SGCD: variants seen among roughly 807,000 people sequenced by gnomAD.
The protein encoded by SGCD is sarcoglycan delta.
SGCD carries 18 observed loss-of-function variants against 36.6 expected under a neutral mutation model. The ratio of observed to expected loss-of-function variants is 0.49; its 90% CI spans 0.34 to 0.73. SGCD has a LOEUF of 0.73. SGCD is among the 30% of genes least tolerant of loss of function. The pLI is 0.01. For synonymous variants in SGCD, 133 were observed against 130.6 expected, an observed-to-expected ratio of 1.02 and a Z score of -0.12; for missense variants, 387 against 346.7, an observed-to-expected ratio of 1.12 and a Z score of -0.92.
chr5:156,552,640 T>C (rs981028352), intron 4 of SGCD, among the ~76,000 whole-genome samples: 1 of 152,146 alleles, frequency 6.6e-6, no homozygotes, highest in South Asian at 2.1e-4. Context: ...GGTCAGCTCA[T>C]TTGAAAATAA....
chr5:156,082,280 C>CGTATCATTAAAA (rs1760975340), intron 1 of SGCD, among the ~76,000 whole-genome samples: 1 of 39,570 alleles, frequency 2.5e-5, no homozygotes, highest in African/African-American at 1.3e-4. Context: ...CGGGGGGGTC[C>CGTATCATTAAAA]AGGGGGTGGG....
At chr5:156,057,065 T>C (rs1329745151) in intron 1 of SGCD, among the ~76,000 whole-genome samples, 1 of 146,502 alleles carries the variant, frequency 6.8e-6, no homozygotes, top group East Asian at 1.9e-4. Flanking sequence ...ACAGCTTGGA[T>C]GTTCAGTAAT....
intron 7 of SGCD, among the ~76,000 whole-genome samples, chr5:156,712,878 G>C (rs1755055098): frequency 6.6e-6 from 1 of 152,066 alleles, no homozygotes; most frequent in Non-Finnish European, 1.5e-5. Flanking sequence ...ACTTAAACCA[G>C]TGGGAAACTG....
chr5:156,061,872 G>A (rs1268164972), intron 1 of SGCD, among the ~76,000 whole-genome samples: 1 of 140,334 alleles, frequency 7.1e-6, no homozygotes, highest in East Asian at 2.0e-4. Context: ...TTCAGTCATT[G>A]AGATTGGCAG....
chr5:156,534,416 G>A (rs765585975), intron 4 of SGCD, among the ~76,000 whole-genome samples: 1 of 152,072 alleles, frequency 6.6e-6, no homozygotes, highest in Non-Finnish European at 1.5e-5. Flanking sequence ...TCATGGCCTT[G>A]CCATATCCTG....
chr5:156,713,089 C>G (rs775182542), intron 7 of SGCD, among the ~76,000 whole-genome samples: 5 of 152,086 alleles, frequency 3.3e-5, no homozygotes, highest in Non-Finnish European at 7.4e-5. Context: ...TAGAAATCCC[C>G]TATGATTAGG....
At chr5:156,158,370 C>G (rs1415297104) in intron 3 of SGCD, among the ~76,000 whole-genome samples, 1 of 151,556 alleles carries the variant, frequency 6.6e-6, no homozygotes, top group Non-Finnish European at 1.5e-5. Flanking sequence ...TCTTATTTTT[C>G]CATTTTACCG....
chr5:156,036,389 G>C (rs1311848763), intron 1 of SGCD, among the ~76,000 whole-genome samples: 1 of 152,172 alleles, frequency 6.6e-6, no homozygotes, highest in Non-Finnish European at 1.5e-5. Context: ...GTTCAGGTCT[G>C]TCCTGTAAGC....
intron 7 of SGCD, among the ~76,000 whole-genome samples, chr5:156,722,670 C>A (rs1755568726): frequency 6.6e-6 from 1 of 152,216 alleles, no homozygotes; most frequent in Admixed American, 6.5e-5. Flanking sequence ...TTTATCTTAT[C>A]CAATGCTTCT....
intron 4 of SGCD, among the ~76,000 whole-genome samples, chr5:156,582,449 A>C (rs957962852): frequency 3.3e-5 from 5 of 152,168 alleles, no homozygotes; most frequent in African/African-American, 1.2e-4. Flanking sequence ...TAAGGATAAA[A>C]CATCTGCCTC....
intron 4 of SGCD, among the ~76,000 whole-genome samples, chr5:156,547,818 A>C (rs1336464903): frequency 6.6e-6 from 1 of 152,242 alleles, no homozygotes; most frequent in African/African-American, 2.4e-5. Context: ...GACAGCTAGA[A>C]TCTGTATTAG....
chr5:155,891,495 A>G (rs1244783847), intron 1 of SGCD, among the ~76,000 whole-genome samples: 1 of 149,076 alleles, frequency 6.7e-6, no homozygotes, highest in Non-Finnish European at 1.5e-5. Flanking sequence ...CTTTTGTCTC[A>G]CTGTTGATGA....
At chr5:156,354,303 G>A (rs148168535) in intron 3 of SGCD, among the ~76,000 whole-genome samples, 83 of 152,224 alleles carry the variant, frequency 5.5e-4, no homozygotes, top group African/African-American at 1.9e-3. Context: ...CTGGAAGCTG[G>A]TAAGTTAAAC....
the SGCD span, among the ~76,000 whole-genome samples, chr5:155,803,798 C>A: frequency 6.6e-6 from 1 of 152,108 alleles, no homozygotes; most frequent in African/African-American, 2.4e-5. Context: ...GGCAAGTTTT[C>A]GTTCCTTCAG....
intron 3 of SGCD, 138 bp downstream of exon 3, chr5:156,344,815 C>T: frequency 1.6e-6 from 1 of 611,212 alleles, no homozygotes; most frequent in Non-Finnish European, 2.8e-6. Flanking sequence ...GGTGAAAGAG[C>T]ATTTCTGTTC....
At chr5:155,998,781 T>G (rs537974094) in intron 1 of SGCD, among the ~76,000 whole-genome samples, 1 of 152,348 alleles carries the variant, frequency 6.6e-6, no homozygotes, top group South Asian at 2.1e-4. Flanking sequence ...AAACACCTGC[T>G]CACACTTTCT....
At chr5:156,248,317 C>T (rs1264305299) in intron 3 of SGCD, among the ~76,000 whole-genome samples, 6 of 152,034 alleles carry the variant, frequency 3.9e-5, no homozygotes, top group Non-Finnish European at 5.9e-5. Context: ...GTCAAGAGAT[C>T]GAGACCATCC....
chr5:156,407,059 C>A (rs1262029232), intron 3 of SGCD, among the ~76,000 whole-genome samples: 1 of 151,734 alleles, frequency 6.6e-6, no homozygotes, highest in Non-Finnish European at 1.5e-5. Context: ...CGTTTTTCTG[C>A]CTGCTTTATA....
In SGCD at chr5:156,596,069, G is replaced by C. The variant is rs114952687; in HGVS notation, c.502+1018G>C. ...CCAGTTTCCTTTTCTGCTCAATAAGGCTAAGAACATCTCCCATCTTGAGTT... is the reference window on the plus strand; with the variant it reads ...CCAGTTTCCTTTTCTGCTCAATAAGCCTAAGAACATCTCCCATCTTGAGTT... On this transcript the variant is annotated intron_variant, in intron 6 of 8. Transcript: ENST00000337851. Among the ~76,000 whole-genome samples the C allele has an allele frequency of 5.6e-3, 847 of 152,184 alleles. 13 individuals carry two copies. The highest frequency in any genetic ancestry group is 0.02 in the African/African-American group (812 of 41,518).
Sources: allele counts gnomAD v4.1 joint callset (sites outside exome capture counted in the v4.1 genomes callset), GRCh38; gene constraint gnomAD v4.1.1; transcripts MANE v1.5; gene names NCBI Gene and HGNC (gene_info 2026-07-23, HGNC 2026-07-21).